CTNNA2: variants seen among roughly 807,000 people sequenced by gnomAD.
CTNNA2 encodes catenin alpha-2.
Under a neutral mutation model 101.0 loss-of-function variants are expected in CTNNA2, and 42 were observed. The observed-to-expected ratio is 0.42, with a 90% CI of 0.32 to 0.54. The LOEUF is 0.54. CTNNA2 is among the 20% of genes least tolerant of loss of function. CTNNA2 has a pLI of 0.14. For synonymous variants in CTNNA2, 450 were observed against 456.4 expected (o/e 0.99, Z 0.18); for missense variants, 871 against 1,223.1 (o/e 0.71, Z 4.29).
intron 7 of CTNNA2, among the ~76,000 whole-genome samples, chr2:79,977,554 C>T (rs1343429424): frequency 6.6e-6 from 1 of 151,976 alleles, no homozygotes; most frequent in African/African-American, 2.4e-5. Flanking sequence ...TCATGCTATC[C>T]TAGAAAATAT....
intron 1 of CTNNA2, among the ~76,000 whole-genome samples, chr2:79,597,408 C>G (rs1422793135): frequency 6.7e-6 from 1 of 149,970 alleles, no homozygotes; most frequent in Non-Finnish European, 1.5e-5. Flanking sequence ...GGAGGCGGAG[C>G]TTGCAGTGAG....
chr2:80,084,734 C>G (rs747106978), intron 7 of CTNNA2, among the ~76,000 whole-genome samples: 1 of 152,030 alleles, frequency 6.6e-6, no homozygotes, highest in Non-Finnish European at 1.5e-5. Flanking sequence ...TTTACTTACT[C>G]TCTGGTTGGC....
intron 7 of CTNNA2, among the ~76,000 whole-genome samples, chr2:80,352,898 T>A (rs181208487): frequency 1.3e-5 from 2 of 151,880 alleles, no homozygotes; most frequent in Non-Finnish European, 2.9e-5. Flanking sequence ...ATGAATTATG[T>A]CAGATCAAGA....
At chr2:80,228,382 C>A (rs1709010933) in intron 7 of CTNNA2, among the ~76,000 whole-genome samples, 1 of 152,072 alleles carries the variant, frequency 6.6e-6, no homozygotes, top group African/African-American at 2.4e-5. Context: ...CCTCAGGCCT[C>A]TTTTACATGG....
chr2:79,999,807 C>G (rs1425499363), intron 7 of CTNNA2, among the ~76,000 whole-genome samples: 2 of 152,164 alleles, frequency 1.3e-5, no homozygotes, highest in Non-Finnish European at 2.9e-5. Flanking sequence ...GGGCATTAAG[C>G]AGTATTAGCA....
At chr2:79,281,192 G>A (rs1445542582) in intron 2 of CTNNA2, among the ~76,000 whole-genome samples, 1 of 152,062 alleles carries the variant, frequency 6.6e-6, no homozygotes, top group African/African-American at 2.4e-5. Flanking sequence ...TCAGTCAGAT[G>A]CCCTGTATGT....
chr2:80,297,284 T>C (rs1675831411), intron 7 of CTNNA2, among the ~76,000 whole-genome samples: 1 of 152,170 alleles, frequency 6.6e-6, no homozygotes, highest in Non-Finnish European at 1.5e-5. Context: ...CAGTGTGTAG[T>C]GAAAAGGCCA....
chr2:79,861,218 C>CA (rs1460986927), intron 4 of CTNNA2, among the ~76,000 whole-genome samples: 1 of 152,198 alleles, frequency 6.6e-6, no homozygotes, highest in African/African-American at 2.4e-5. Flanking sequence ...TTAACTGCTA[C>CA]ATATCTCTTT....
In CTNNA2 at chr2:80,313,317, G is replaced by A. The variant is rs1037485348; in HGVS notation, c.1057-79894G>A. ...ATGCCTTTCTAATTATTTAACATAC[G>A]TGTTTGCTGCTATTCTTGTTTTTGT... On this transcript the variant is annotated intron_variant, in intron 7 of 18. Coordinates refer to ENST00000402739, the MANE Select transcript of CTNNA2 (RefSeq NM_001282597.3). 119 of 1,135,020 alleles carry A rather than the reference G, an allele frequency of 1.0e-4. No homozygotes were observed. The African/African-American group carries it at 1.4e-3, about 14-fold the overall frequency. 70.3% of individuals were successfully genotyped at this position (1,135,020 alleles called of 1,614,324 possible).
chr2:79,243,009 C>T (rs964492345), intron 2 of CTNNA2, among the ~76,000 whole-genome samples: 3 of 120,124 alleles, frequency 2.5e-5, no homozygotes, highest in South Asian at 2.6e-4. Flanking sequence ...CACACACACA[C>T]ACACACACAC....
At chr2:80,176,029 C>T (rs1352899036) in intron 7 of CTNNA2, among the ~76,000 whole-genome samples, 1 of 152,168 alleles carries the variant, frequency 6.6e-6, no homozygotes, top group Non-Finnish European at 1.5e-5. Context: ...GTCTGCCTCT[C>T]CTAATCCACT....
At chr2:80,290,591 T>C (rs1675150654) in intron 7 of CTNNA2, among the ~76,000 whole-genome samples, 1 of 151,002 alleles carries the variant, frequency 6.6e-6, no homozygotes, top group Non-Finnish European at 1.5e-5. Context: ...GAAAATACTA[T>C]TTAGACATTT....
At chr2:79,442,874 C>T (rs1168673905) in intron 4 of CTNNA2, among the ~76,000 whole-genome samples, 1 of 152,008 alleles carries the variant, frequency 6.6e-6, no homozygotes, top group Non-Finnish European at 1.5e-5. Context: ...CTGCAGTACT[C>T]CCTGGTTACC....
chr2:80,357,514 T>C (rs761824429), intron 7 of CTNNA2, among the ~76,000 whole-genome samples: 10 of 152,106 alleles, frequency 6.6e-5, no homozygotes, highest in Admixed American at 2.0e-4. Context: ...GATGCCTCTA[T>C]GGACAGACCG....
At chr2:79,287,539 TG>T (rs544764386) in intron 2 of CTNNA2, among the ~76,000 whole-genome samples, 15,964 of 130,850 alleles carry the variant, frequency 0.12, 904 homozygotes, top group African/African-American at 0.14. Context: ...CTGCCCCTGC[TG>T]GGGGGTGCCT....
intron 9 of CTNNA2, among the ~76,000 whole-genome samples, chr2:80,494,707 T>C (rs1573033441): frequency 6.6e-6 from 1 of 152,168 alleles, no homozygotes; most frequent in South Asian, 2.1e-4. Flanking sequence ...ATATTAAGTA[T>C]GTCTTATGTC....
intron 3 of CTNNA2, among the ~76,000 whole-genome samples, chr2:79,784,934 C>T (rs1390127759): frequency 2.0e-5 from 3 of 152,046 alleles, no homozygotes; most frequent in Admixed American, 2.0e-4. Context: ...GACTGGGAGG[C>T]ATTGTATGGG....
At chr2:79,694,189 A>G (rs956770384) in intron 2 of CTNNA2, among the ~76,000 whole-genome samples, 2 of 151,960 alleles carry the variant, frequency 1.3e-5, no homozygotes, top group African/African-American at 4.8e-5. Flanking sequence ...TTACACATAA[A>G]ACTTTAATGT....
rs75469231 is a variant in CTNNA2, at chr2:80,019,152, T to C, written c.1056+109355T>C. 3.0e-3 allele frequency among the ~76,000 whole-genome samples: 456 copies of C among 152,294 alleles called. 17 individuals are homozygous for C. The East Asian group carries it at 0.068, about 23-fold the overall frequency. On this transcript the variant is annotated intron_variant, in intron 7 of 18. Coordinates refer to ENST00000402739, the MANE Select transcript of CTNNA2 (RefSeq NM_001282597.3). ...TAGGTTATATGAAAAGACTATGCTA[T>C]TTTACATAAGGGACTTTTTACCATC...
Sources: allele counts gnomAD v4.1 joint callset (sites outside exome capture counted in the v4.1 genomes callset), GRCh38; gene constraint gnomAD v4.1.1; transcripts MANE v1.5; gene names NCBI Gene and HGNC (gene_info 2026-07-23, HGNC 2026-07-21).